The following FARS2 variants were observed in gnomAD, a reference collection of about 807,000 sequenced individuals.
FARS2 encodes phenylalanyl-tRNA synthetase 2, mitochondrial, also known as phenylalanine--tRNA ligase, mitochondrial.
A neutral mutation model predicts 46.4 loss-of-function variants in FARS2; 40 were observed. That is an observed-to-expected ratio of 0.86 (90% CI 0.67 to 1.12). FARS2 has a LOEUF of 1.12. FARS2 is among the 50% of genes most tolerant of loss of function. The pLI, the probability that FARS2 is intolerant of heterozygous loss-of-function variation, is 0.00. For synonymous variants in FARS2, 234 were observed against 214.9 expected (o/e 1.09, Z -0.78); for missense variants, 513 against 567.9 (o/e 0.90, Z 0.98).
At chr6:5,729,066 T>G (rs1760459773) in intron 6 of FARS2, among the ~76,000 whole-genome samples, 1 of 152,222 alleles carries the variant, frequency 6.6e-6, no homozygotes, top group Non-Finnish European at 1.5e-5. Flanking sequence ...TCTGCAGTGC[T>G]CACTCATACT....
Position 5,368,538 on chromosome 6 carries a change from T to C in FARS2, c.-21-12T>C. 6.4e-7 allele frequency: 1 copy of C among 1,572,336 alleles called. No individual in the cohort carries two copies. Among genetic ancestry groups the C allele is most frequent in the Non-Finnish European group, 8.6e-7 (1 of 1,157,820 alleles). On this transcript the variant is annotated splice_polypyrimidine_tract_variant and intron_variant, in intron 1 of 6. Coordinates refer to ENST00000274680, the MANE Select transcript of FARS2 (RefSeq NM_006567.5). ...ACACCTGACTTGTGCTTTGCCTGTG[T>C]GCTCTTTCCAGAACCTGTGAGAAGT...
At chr6:5,640,562 C>G (rs958109002) in intron 6 of FARS2, among the ~76,000 whole-genome samples, 3 of 152,194 alleles carry the variant, frequency 2.0e-5, no homozygotes, top group African/African-American at 7.2e-5. Flanking sequence ...TGAGCTACCT[C>G]TAAATTATCA....
intron 6 of FARS2, among the ~76,000 whole-genome samples, chr6:5,740,965 A>G (rs1462773305): frequency 6.6e-6 from 1 of 152,138 alleles, no homozygotes; most frequent in Non-Finnish European, 1.5e-5. Flanking sequence ...TGGATCTACT[A>G]AAGGGAAAAT....
chr6:5,715,807 A>G (rs1759458648), intron 6 of FARS2, among the ~76,000 whole-genome samples: 2 of 152,154 alleles, frequency 1.3e-5, no homozygotes, highest in South Asian at 4.1e-4. Flanking sequence ...GATTAACTTT[A>G]ATTTCTCTTG....
intron 6 of FARS2, among the ~76,000 whole-genome samples, chr6:5,677,387 C>G (rs1778819248): frequency 6.6e-6 from 1 of 152,236 alleles, no homozygotes; most frequent in Non-Finnish European, 1.5e-5. Flanking sequence ...ATGCTCCTGC[C>G]TCTGCCTCGC....
At position 5,746,236 on chromosome 6, in the gene FARS2, G is replaced by T. The variant is rs569386709; in HGVS notation, c.1218-25055G>T. ...TTTCCACTAGGAGCAGTCAGAACCT[G>T]CCCTCATGAACAAAGACAGTGACAC... On this transcript the variant is annotated intron_variant, in intron 6 of 6. Transcript: ENST00000274680. 5.9e-5 allele frequency among the ~76,000 whole-genome samples: 9 copies of T among 152,256 alleles called. No homozygotes were observed. In the South Asian group the frequency reaches 1.9e-3, roughly 32 times the overall value.
chr6:5,598,354 G>A (rs533610558), intron 5 of FARS2, among the ~76,000 whole-genome samples: 1 of 152,294 alleles, frequency 6.6e-6, no homozygotes, highest in South Asian at 2.1e-4. Flanking sequence ...CTGCACTCCA[G>A]CCCAGGCAAC....
rs907494117 is a variant in FARS2 at position 5,467,029 on chromosome 6, T to C, written c.904+35857T>C. 4 of 984,960 alleles carry C rather than the reference T, an allele frequency of 4.1e-6. No individual in the cohort carries two copies. The South Asian group carries it at 1.4e-4, about 35-fold the overall frequency. The allele number at this position is 984,960 out of a possible 1,614,324, so 61.0% of individuals were successfully genotyped here. On this transcript the variant is annotated intron_variant, in intron 4 of 6. Coordinates refer to ENST00000274680, the MANE Select transcript of FARS2 (RefSeq NM_006567.5). ...CTGAGACATTGAATACAAATTAAAG[T>C]TTTATAGATGGACCATGGGATACCA...
At chr6:5,531,740 C>T (rs1769852971) in intron 4 of FARS2, among the ~76,000 whole-genome samples, 1 of 152,120 alleles carries the variant, frequency 6.6e-6, no homozygotes, top group African/African-American at 2.4e-5. Flanking sequence ...AGTCAATCAT[C>T]CGGTGGCGAG....
chr6:5,667,884 TTTGGCTGCTGGTGATCGACTCTTAGAGCA>T (rs1190385477), intron 6 of FARS2, among the ~76,000 whole-genome samples: 3 of 152,342 alleles, frequency 2.0e-5, no homozygotes, highest in Admixed American at 1.3e-4. Context: ...CAAACAATAT[TTTGGCTGCTGGTGATCGACTCTTAGAGCA>T]AGAGAAACAC....
intron 4 of FARS2, among the ~76,000 whole-genome samples, chr6:5,449,985 G>A (rs1479686977): frequency 6.6e-6 from 1 of 152,196 alleles, no homozygotes; most frequent in Non-Finnish European, 1.5e-5. Flanking sequence ...CTTCCCTGAG[G>A]AACCTGTGTG....
intron 6 of FARS2, among the ~76,000 whole-genome samples, chr6:5,669,588 T>A (rs538030191): frequency 6.6e-6 from 1 of 152,310 alleles, no homozygotes; most frequent in South Asian, 2.1e-4. Flanking sequence ...AGTAGTCCTG[T>A]ACTTGCTAAT....
intron 4 of FARS2, among the ~76,000 whole-genome samples, chr6:5,437,774 A>G (rs1763608887): frequency 6.6e-6 from 1 of 152,076 alleles, no homozygotes; most frequent in African/African-American, 2.4e-5. Context: ...TTAAGGAGTC[A>G]TATGCATTTT....
At chr6:5,551,967 AAAG>A (rs1451304051) in intron 5 of FARS2, among the ~76,000 whole-genome samples, 1 of 152,210 alleles carries the variant, frequency 6.6e-6, no homozygotes, top group Non-Finnish European at 1.5e-5. Context: ...TTATATCTAT[AAAG>A]ATCTTAATGT....
chr6:5,372,335 T>TA (rs1022663954), intron 2 of FARS2, among the ~76,000 whole-genome samples: 4 of 152,162 alleles, frequency 2.6e-5, no homozygotes, highest in African/African-American at 9.6e-5. Flanking sequence ...TAAACATATA[T>TA]ATACACACAT....
chr6:5,539,515 A>G (rs183654981), intron 4 of FARS2, among the ~76,000 whole-genome samples: 1 of 151,542 alleles, frequency 6.6e-6, no homozygotes, highest in African/African-American at 2.4e-5. Flanking sequence ...TACAGGTGTG[A>G]GCTACCGCAC....
chr6:5,503,405 CAGAGAGAG>C (rs869089548), intron 4 of FARS2, among the ~76,000 whole-genome samples: 999 of 39,596 alleles, frequency 0.025, 18 homozygotes, highest in East Asian at 0.085. Flanking sequence ...CACACACACA[CAGAGAGAG>C]AGAGAGAGAG....
chr6:5,287,862 C>T (rs1345481166), intron 1 of FARS2, among the ~76,000 whole-genome samples: 1 of 152,052 alleles, frequency 6.6e-6, no homozygotes, highest in Non-Finnish European at 1.5e-5. Flanking sequence ...ATCTTTGTGG[C>T]CACACTTGGG....
chr6:5,666,135 C>T (rs1778106477), intron 6 of FARS2, among the ~76,000 whole-genome samples: 1 of 152,120 alleles, frequency 6.6e-6, no homozygotes, highest in Non-Finnish European at 1.5e-5. Context: ...CAACTAAACC[C>T]AAAATACTGG....
Sources: gnomAD v4.1 joint callset for allele counts (sites outside exome capture counted in the v4.1 genomes callset) on GRCh38, gnomAD v4.1.1 for gene constraint, MANE v1.5 for transcripts, NCBI Gene and HGNC (gene_info 2026-07-23, HGNC 2026-07-21) for gene names.